Variants in SH3RF3 observed in about 807,000 individuals in gnomAD.
SH3RF3 encodes the protein E3 ubiquitin-protein ligase SH3RF3.
A neutral mutation model predicts 66.3 loss-of-function variants in SH3RF3; 29 were observed. The observed-to-expected ratio is 0.44, with a 90% CI of 0.33 to 0.60. SH3RF3 has a LOEUF of 0.60. Among genes scored for constraint, SH3RF3 ranks in the 20% least tolerant of loss-of-function variants. The pLI is 0.04. For missense variants in SH3RF3, 1,194 were observed against 1,190.9 expected, an observed-to-expected ratio of 1.00 and a Z score of -0.04; for synonymous variants, 583 against 532.0, an observed-to-expected ratio of 1.10 and a Z score of -1.32.
At chr2:109,133,647 C>T (rs892614923) in intron 1 of SH3RF3, among the ~76,000 whole-genome samples, 2 of 151,718 alleles carry the variant, frequency 1.3e-5, no homozygotes, top group Non-Finnish European at 2.9e-5. Context: ...TTGATGTTCT[C>T]ATTTACACCT....
chr2:109,471,302 G>T (rs1032762533), intron 8 of SH3RF3, among the ~76,000 whole-genome samples: 4 of 152,118 alleles, frequency 2.6e-5, no homozygotes, highest in African/African-American at 7.2e-5. Flanking sequence ...TCAGCTGGGG[G>T]TGCCACAGGA....
At chr2:109,260,840 A>G (rs749846000) in intron 1 of SH3RF3, among the ~76,000 whole-genome samples, 3 of 152,180 alleles carry the variant, frequency 2.0e-5, no homozygotes, top group Non-Finnish European at 2.9e-5. Context: ...TTCCTCCCCT[A>G]CAGAGAGTAA....
chr2:109,410,262 A>C (rs182404722), intron 4 of SH3RF3, among the ~76,000 whole-genome samples: 1 of 152,250 alleles, frequency 6.6e-6, no homozygotes, highest in East Asian at 1.9e-4. Context: ...CACAGATGAC[A>C]GCCCAATCTT....
chr2:109,261,746 C>T (rs1340798498), intron 1 of SH3RF3, among the ~76,000 whole-genome samples: 1 of 152,170 alleles, frequency 6.6e-6, no homozygotes, highest in African/African-American at 2.4e-5. Flanking sequence ...GTGTAATCGG[C>T]AGGCATTTCA....
intron 8 of SH3RF3, 124 bp from the exon 9 acceptor site, chr2:109,490,481 T>A (rs1282336364): frequency 2.3e-6 from 2 of 866,970 alleles, no homozygotes; most frequent in Non-Finnish European, 3.2e-6. Flanking sequence ...TAAAGTCTTT[T>A]GTCTGAAAAA....
At chr2:109,146,364 A>G (rs754900174) in intron 1 of SH3RF3, among the ~76,000 whole-genome samples, 2 of 152,170 alleles carry the variant, frequency 1.3e-5, no homozygotes, top group Non-Finnish European at 2.9e-5. Flanking sequence ...CAAGAGCAAA[A>G]GAATACTAGT....
rs569509984 is a variant in SH3RF3 at position 109,495,477 on chromosome 2, CTTTTTTTTTTTTTTTT to C, written c.2480+4558_2480+4573del. On this transcript the variant is annotated intron_variant, in intron 9 of 9. Transcript: ENST00000309415. The stretch of plus-strand genomic sequence containing the variant: ...ATTTCATCCTGAATATCTTTCATTC[CTTTTTTTTTTTTTTTT>C]TTTTTTTTTTTTTTTTGAGACAAAG... 1.8e-4 allele frequency among the ~76,000 whole-genome samples: 17 copies of C among 94,286 alleles called. No individual in the cohort carries two copies. The South Asian group carries it at 2.2e-3, about 12-fold the overall frequency. The allele number at this position is 94,286 out of a possible 152,430, so 61.9% of individuals were successfully genotyped here.
intron 1 of SH3RF3, among the ~76,000 whole-genome samples, chr2:109,289,519 G>T (rs1216464145): frequency 6.6e-6 from 1 of 152,178 alleles, no homozygotes; most frequent in Non-Finnish European, 1.5e-5. Flanking sequence ...ATTGTGTGTG[G>T]TGGAAATCTG....
At chr2:109,336,729 T>C (rs2105510353) in intron 1 of SH3RF3, among the ~76,000 whole-genome samples, 1 of 152,326 alleles carries the variant, frequency 6.6e-6, no homozygotes, top group East Asian at 1.9e-4. Flanking sequence ...AACATCCAAT[T>C]TTGTGGAGAT....
chr2:109,334,224 G>A (rs1266277030), intron 1 of SH3RF3, among the ~76,000 whole-genome samples: 1 of 152,120 alleles, frequency 6.6e-6, no homozygotes, highest in Non-Finnish European at 1.5e-5. Context: ...CAGGTGTGGT[G>A]GCATGCACCT....
At chr2:109,270,708 C>T (rs1399474890) in intron 1 of SH3RF3, among the ~76,000 whole-genome samples, 8 of 152,228 alleles carry the variant, frequency 5.3e-5, no homozygotes, top group Admixed American at 1.3e-4. Context: ...CTGGAGCATC[C>T]TTTGGAGACC....
At chr2:109,360,063 CAA>C (rs35020112) in intron 2 of SH3RF3, among the ~76,000 whole-genome samples, 23,514 of 134,976 alleles carry the variant, frequency 0.17, 2,284 homozygotes, top group African/African-American at 0.29. Context: ...TTCCTTGCAC[CAA>C]AAAAAAAAAA....
chr2:109,446,769 C>T (rs1299733577), intron 7 of SH3RF3, among the ~76,000 whole-genome samples: 1 of 114,132 alleles, frequency 8.8e-6, no homozygotes, highest in Non-Finnish European at 2.1e-5. Flanking sequence ...CACACTCCCT[C>T]TCTTCTTTGG....
At chr2:109,341,792 C>T (rs1210681106) in intron 1 of SH3RF3, among the ~76,000 whole-genome samples, 1 of 152,176 alleles carries the variant, frequency 6.6e-6, no homozygotes, top group Non-Finnish European at 1.5e-5. Context: ...CCAGAATGTG[C>T]AGGAATCACT....
At chr2:109,250,964 A>C (rs961232811) in intron 1 of SH3RF3, among the ~76,000 whole-genome samples, 3 of 152,030 alleles carry the variant, frequency 2.0e-5, no homozygotes, top group African/African-American at 4.8e-5. Flanking sequence ...TATACATTGC[A>C]TTCTGTATAG....
At chr2:109,302,619 G>A (rs944601170) in intron 1 of SH3RF3, among the ~76,000 whole-genome samples, 6 of 152,186 alleles carry the variant, frequency 3.9e-5, no homozygotes, top group Non-Finnish European at 8.8e-5. Context: ...GCTGCGTAGG[G>A]GATTAGCCAG....
At chr2:109,413,498 CTCTT>C (rs1017928038) in intron 4 of SH3RF3, among the ~76,000 whole-genome samples, 4 of 152,208 alleles carry the variant, frequency 2.6e-5, no homozygotes, top group Non-Finnish European at 5.9e-5. Context: ...GTCTGTCTGT[CTCTT>C]TCTATCTCTG....
chr2:109,348,748 TC>T (rs1296683937), intron 2 of SH3RF3, among the ~76,000 whole-genome samples: 2 of 152,018 alleles, frequency 1.3e-5, no homozygotes, highest in African/African-American at 2.4e-5. Context: ...CCCTCCTGCT[TC>T]CCCTTCCTCC....
chr2:109,424,867 G>T (rs1399853669), intron 5 of SH3RF3, among the ~76,000 whole-genome samples: 1 of 152,202 alleles, frequency 6.6e-6, no homozygotes, highest in Non-Finnish European at 1.5e-5. Context: ...TCAAGTGAAA[G>T]CTAGAGTCGA....
Sources: gnomAD v4.1 joint callset for allele counts (sites outside exome capture counted in the v4.1 genomes callset) on GRCh38, gnomAD v4.1.1 for gene constraint, MANE v1.5 for transcripts, NCBI Gene and HGNC (gene_info 2026-07-23, HGNC 2026-07-21) for gene names.